ESRRB: variants seen among roughly 807,000 people sequenced by gnomAD.
ESRRB encodes estrogen related receptor beta, also known as steroid hormone receptor ERR2.
In ESRRB, 16 loss-of-function variants were observed where a neutral mutation model predicts 46.0. That is an observed-to-expected ratio of 0.35 (90% CI 0.24 to 0.53). The LOEUF (loss-of-function observed/expected upper bound fraction) is 0.53. Among genes scored for constraint, ESRRB ranks in the 20% least tolerant of loss-of-function variants. The pLI is 0.93. For synonymous variants in ESRRB, 246 were observed against 259.6 expected (o/e 0.95, Z 0.50); for missense variants, 488 against 607.4 (o/e 0.80, Z 2.07).
intron 1 of ESRRB, among the ~76,000 whole-genome samples, chr14:76,400,672 A>G (rs900604729): frequency 6.6e-6 from 1 of 152,202 alleles, no homozygotes; most frequent in African/African-American, 2.4e-5. Context: ...CCACTGGCCT[A>G]GAACCCAGAA....
At chr14:76,409,664 C>T (rs1482471976) in intron 1 of ESRRB, among the ~76,000 whole-genome samples, 2 of 151,948 alleles carry the variant, frequency 1.3e-5, no homozygotes, top group African/African-American at 4.8e-5. Flanking sequence ...GTATCTAATT[C>T]CCTGCATCTA....
chr14:76,454,720 G>C (rs1244382484), intron 2 of ESRRB, among the ~76,000 whole-genome samples: 1 of 152,184 alleles, frequency 6.6e-6, no homozygotes, highest in Non-Finnish European at 1.5e-5. Flanking sequence ...GATCATAAAA[G>C]GCCTGGTAGG....
At chr14:76,445,936 T>G (rs1888126755) in intron 2 of ESRRB, among the ~76,000 whole-genome samples, 1 of 152,180 alleles carries the variant, frequency 6.6e-6, no homozygotes, top group Non-Finnish European at 1.5e-5. Context: ...TCCACCCACC[T>G]CAGCCTCCCA....
chr14:76,439,840 G>T, intron 2 of ESRRB, 90 bp downstream of exon 2: 2 of 1,429,540 alleles, frequency 1.4e-6, no homozygotes, highest in Admixed American at 1.9e-5. Context: ...AATTCCCAGA[G>T]ACTGCCAATT....
chr14:76,339,021 T>A (rs1230591247), intron 1 of ESRRB, among the ~76,000 whole-genome samples: 1 of 152,240 alleles, frequency 6.6e-6, no homozygotes, highest in Non-Finnish European at 1.5e-5. Context: ...GTCTCATGTT[T>A]TGATAAAAAA....
chr14:76,497,203 A>C (rs935406100), intron 6 of ESRRB, among the ~76,000 whole-genome samples: 2 of 152,038 alleles, frequency 1.3e-5, no homozygotes, highest in African/African-American at 2.4e-5. Context: ...ATGACGAAGG[A>C]GTGCTCACTG....
At position 76,432,484 on chromosome 14, in the gene ESRRB, C is replaced by T. The variant is rs78904725; in HGVS notation, c.51-6857C>T. Reference sequence around the variant, plus strand: ...TCCTTCTCCTAGTCCTCCTGCCCTCCGGCCCTTGCCTTCACTCCCTGTCCC... The same window carrying T: ...TCCTTCTCCTAGTCCTCCTGCCCTCTGGCCCTTGCCTTCACTCCCTGTCCC... On this transcript the variant is annotated intron_variant, in intron 1 of 6. Transcript: ENST00000644823. 7.1e-3 allele frequency among the ~76,000 whole-genome samples: 1,086 copies of T among 152,290 alleles called. 13 individuals are homozygous for T. Among genetic ancestry groups the T allele is most frequent in the African/African-American group, 0.025 (1,044 of 41,560 alleles).
chr14:76,459,756 G>A (rs1301142665), intron 2 of ESRRB, among the ~76,000 whole-genome samples: 1 of 152,164 alleles, frequency 6.6e-6, no homozygotes, highest in Non-Finnish European at 1.5e-5. Context: ...CTAGACAAAA[G>A]CAGGTAGGGG....
intron 1 of ESRRB, among the ~76,000 whole-genome samples, chr14:76,385,224 A>AC (rs1428423376): frequency 3.3e-5 from 5 of 151,730 alleles, no homozygotes; most frequent in Non-Finnish European, 7.4e-5. Context: ...AAAAAAAAAA[A>AC]AAAACAACCA....
chr14:76,344,626 G>A (rs954554317), intron 1 of ESRRB, among the ~76,000 whole-genome samples: 3 of 152,150 alleles, frequency 2.0e-5, no homozygotes, highest in African/African-American at 7.2e-5. Flanking sequence ...TGAGACAGGT[G>A]GATCACCTGA....
At chr14:76,344,305 A>G (rs1566856616) in intron 1 of ESRRB, among the ~76,000 whole-genome samples, 1 of 152,140 alleles carries the variant, frequency 6.6e-6, no homozygotes, top group Non-Finnish European at 1.5e-5. Context: ...ACGGGGGTAC[A>G]GGTGGTATTT....
intron 6 of ESRRB, among the ~76,000 whole-genome samples, chr14:76,492,206 C>A (rs1459908780): frequency 6.6e-6 from 1 of 152,218 alleles, no homozygotes; most frequent in Non-Finnish European, 1.5e-5. Context: ...TTCTGTCGCC[C>A]AGGTAGGAGT....
intron 1 of ESRRB, among the ~76,000 whole-genome samples, chr14:76,392,762 G>A (rs1885519947): frequency 6.6e-6 from 1 of 152,222 alleles, no homozygotes; most frequent in African/African-American, 2.4e-5. Flanking sequence ...GAGAGGGTCA[G>A]GACATCTGGA....
intron 2 of ESRRB, among the ~76,000 whole-genome samples, chr14:76,439,992 G>C (rs1262058850): frequency 6.6e-6 from 1 of 152,082 alleles, no homozygotes; most frequent in African/African-American, 2.4e-5. Flanking sequence ...CACAGCCCCA[G>C]AAAACCAAAA....
intron 2 of ESRRB, among the ~76,000 whole-genome samples, chr14:76,455,655 C>T (rs772810390): frequency 7.2e-5 from 11 of 152,096 alleles, no homozygotes; most frequent in Non-Finnish European, 1.2e-4. Context: ...GAGGTAAAAT[C>T]GGCAATACCT....
At chr14:76,487,025 A>C (rs567236010) in intron 5 of ESRRB, among the ~76,000 whole-genome samples, 1 of 152,296 alleles carries the variant, frequency 6.6e-6, no homozygotes, top group East Asian at 1.9e-4. Context: ...CGAAATTAAG[A>C]GTTCCAAATT....
rs1014297024 is a variant in ESRRB at position 76,499,148 on chromosome 14, C to T, written c.*690C>T. On this transcript the variant is annotated 3_prime_UTR_variant, in exon 7 of 7. Transcript: ENST00000644823. ...GTCCACCTGTCCTCCTCCTCTTCTC[C>T]TCCCCCCGGGAGTCCCCCGCTACTT... 38 of 308,014 alleles carry T rather than the reference C, an allele frequency of 1.2e-4. No individual in the cohort carries two copies. Among genetic ancestry groups the T allele is most frequent in the African/African-American group, 8.5e-4 (37 of 43,530 alleles). The allele number at this position is 308,014 out of a possible 1,614,324, so 19.1% of individuals were successfully genotyped here. A position where few individuals can be genotyped will look rare whatever the true frequency, so the allele number is the denominator to read the frequency against.
chr14:76,469,654 G>T (rs988568757), intron 3 of ESRRB, among the ~76,000 whole-genome samples: 1 of 151,692 alleles, frequency 6.6e-6, no homozygotes, highest in Non-Finnish European at 1.5e-5. Flanking sequence ...GGATGACAGG[G>T]GTGGGTCACC....
intron 1 of ESRRB, among the ~76,000 whole-genome samples, chr14:76,399,823 A>C (rs1355660392): frequency 2.0e-5 from 3 of 152,176 alleles, no homozygotes; most frequent in African/African-American, 7.2e-5. Context: ...GGTTGGTCAC[A>C]ATTGGTCTCC....
Sources: gnomAD v4.1 joint callset for allele counts (sites outside exome capture counted in the v4.1 genomes callset) on GRCh38, gnomAD v4.1.1 for gene constraint, MANE v1.5 for transcripts, NCBI Gene and HGNC (gene_info 2026-07-23, HGNC 2026-07-21) for gene names.